The following ELMO1 variants were observed in gnomAD, a reference collection of about 807,000 sequenced individuals.
ELMO1 encodes the protein engulfment and cell motility 1.
ELMO1 carries 26 observed loss-of-function variants against 98.9 expected under a neutral mutation model. The ratio of observed to expected loss-of-function variants is 0.26; its 90% CI spans 0.19 to 0.36. The LOEUF (loss-of-function observed/expected upper bound fraction) is 0.36, where lower values mean the gene tolerates loss of function less well. ELMO1 is among the 10% of genes least tolerant of loss of function. The pLI, the probability that ELMO1 is intolerant of heterozygous loss-of-function variation, is 1.00. For synonymous variants in ELMO1, 346 were observed against 346.0 expected, an observed-to-expected ratio of 1.00 and a Z score of 0.00; for missense variants, 627 against 935.2, an observed-to-expected ratio of 0.67 and a Z score of 4.30.
chr7:37,419,740 G>A (rs550946815), intron 1 of ELMO1: 2 of 152,342 alleles, frequency 1.3e-5, no homozygotes, highest in South Asian at 4.1e-4. Context: ...GTGTGTGCCT[G>A]GTCTGTATTG....
intron 1 of ELMO1, among the ~76,000 whole-genome samples, chr7:37,431,279 G>A (rs1177731735): frequency 6.6e-6 from 1 of 152,168 alleles, no homozygotes; most frequent in African/African-American, 2.4e-5. Flanking sequence ...CAAGGCTGCA[G>A]TGAGTTATGA....
At chr7:36,932,349 C>T (rs188536583) in intron 16 of ELMO1, among the ~76,000 whole-genome samples, 541 of 152,292 alleles carry the variant, frequency 3.6e-3, no homozygotes, top group Non-Finnish European at 6.8e-3. Context: ...GTGCTGAATA[C>T]CCTTCTGTCA....
At chr7:37,200,180 C>A (rs1227324512) in intron 13 of ELMO1, among the ~76,000 whole-genome samples, 4 of 152,050 alleles carry the variant, frequency 2.6e-5, no homozygotes, top group Admixed American at 1.3e-4. Context: ...CTCAAGAGAT[C>A]CTCCTGCCTC....
intron 16 of ELMO1, among the ~76,000 whole-genome samples, chr7:36,965,197 A>G (rs762528500): frequency 1.3e-5 from 2 of 152,022 alleles, no homozygotes; most frequent in Non-Finnish European, 1.5e-5. Context: ...CCCATTCTTA[A>G]TGTATTCATG....
intron 8 of ELMO1, among the ~76,000 whole-genome samples, chr7:37,228,793 G>T (rs941665381): frequency 6.6e-6 from 1 of 151,944 alleles, no homozygotes; most frequent in African/African-American, 2.4e-5. Flanking sequence ...ACGAGGTCAG[G>T]AGATCGGCTA....
At chr7:37,244,802 A>C (rs1440959182) in intron 6 of ELMO1, among the ~76,000 whole-genome samples, 1 of 152,202 alleles carries the variant, frequency 6.6e-6, no homozygotes, top group Non-Finnish European at 1.5e-5. Context: ...CTTTGGTAGA[A>C]TGTCCACTAA....
At chr7:36,996,057 T>A (rs1021251218) in intron 16 of ELMO1, among the ~76,000 whole-genome samples, 1 of 152,176 alleles carries the variant, frequency 6.6e-6, no homozygotes, top group African/African-American at 2.4e-5. Context: ...CATTCCAGCA[T>A]GAAAAATCAA....
intron 16 of ELMO1, among the ~76,000 whole-genome samples, chr7:36,900,506 C>CT (rs1366391798): frequency 2.0e-5 from 3 of 152,172 alleles, no homozygotes; most frequent in Non-Finnish European, 4.4e-5. Context: ...TTATAAAGCA[C>CT]ACTTTCACAA....
chr7:37,087,435 G>A (rs1783848261), intron 15 of ELMO1, among the ~76,000 whole-genome samples: 2 of 151,722 alleles, frequency 1.3e-5, no homozygotes, highest in South Asian at 4.2e-4. Context: ...TCACTTTCTG[G>A]CAGATTTTTT....
At chr7:36,960,726 C>T (rs953617844) in intron 16 of ELMO1, among the ~76,000 whole-genome samples, 14 of 151,964 alleles carry the variant, frequency 9.2e-5, no homozygotes, top group African/African-American at 3.4e-4. Flanking sequence ...AAGAAATAAC[C>T]ATTCAACAAA....
chr7:36,987,757 T>G (rs1395238443), intron 16 of ELMO1, among the ~76,000 whole-genome samples: 2 of 152,210 alleles, frequency 1.3e-5, no homozygotes, highest in Non-Finnish European at 2.9e-5. Flanking sequence ...CAACTCCAAA[T>G]GCTCAGCTAT....
rs11977589 is a variant in ELMO1, at chr7:37,262,254, G to A, written c.244-2904C>T. Among the ~76,000 whole-genome samples, 1,231 of 152,240 alleles carry A rather than the reference G, an allele frequency of 8.1e-3. 18 individuals are homozygous for A. Among genetic ancestry groups the A allele is most frequent in the African/African-American group, 0.029 (1,186 of 41,518 alleles). On this transcript the variant is annotated intron_variant, in intron 5 of 21. Coordinates refer to ENST00000310758, the MANE Select transcript of ELMO1 (RefSeq NM_014800.11). ...CAAATGTCCCAAGCAGAGGAATCAA[G>A]ACTGTGGAGTCCTCCCAAATCCCAC... is the stretch of plus-strand genomic sequence containing the variant.
intron 10 of ELMO1, among the ~76,000 whole-genome samples, chr7:37,221,166 G>A (rs147897048): frequency 6.2e-4 from 94 of 152,150 alleles, no homozygotes; most frequent in African/African-American, 2.2e-3. Flanking sequence ...TGGCTCCAGC[G>A]AACACCAAAT....
chr7:36,944,466 C>T (rs1015109860), intron 16 of ELMO1, among the ~76,000 whole-genome samples: 2 of 152,226 alleles, frequency 1.3e-5, no homozygotes, highest in African/African-American at 4.8e-5. Context: ...TTTCACTCTA[C>T]TCCTGGGACC....
At chr7:36,902,953 C>T (rs1366214905) in intron 16 of ELMO1, among the ~76,000 whole-genome samples, 1 of 152,210 alleles carries the variant, frequency 6.6e-6, no homozygotes, top group African/African-American at 2.4e-5. Context: ...AACTGTGCCC[C>T]TTCCAGCTCC....
At chr7:37,088,006 G>A (rs559760482) in intron 15 of ELMO1, among the ~76,000 whole-genome samples, 11 of 152,228 alleles carry the variant, frequency 7.2e-5, no homozygotes, top group Non-Finnish European at 1.2e-4. Flanking sequence ...TCTATAAGGC[G>A]TTAAGAAGAC....
intron 4 of ELMO1, among the ~76,000 whole-genome samples, chr7:37,286,841 T>C (rs976303557): frequency 2.3e-4 from 35 of 152,176 alleles, no homozygotes; most frequent in Admixed American, 1.8e-3. Flanking sequence ...TGTTTTTAAA[T>C]GCATAAAATA....
chr7:37,147,183 C>T (rs1055445166), intron 13 of ELMO1, among the ~76,000 whole-genome samples: 1 of 152,160 alleles, frequency 6.6e-6, no homozygotes, highest in African/African-American at 2.4e-5. Flanking sequence ...AGCTCCTCAT[C>T]ATTAAAATTT....
intron 1 of ELMO1, among the ~76,000 whole-genome samples, chr7:37,384,104 T>C (rs911962390): frequency 6.6e-6 from 1 of 152,210 alleles, no homozygotes; most frequent in African/African-American, 2.4e-5. Flanking sequence ...CGTGAGCCAC[T>C]GTGCCCGGCC....
Sources: gnomAD v4.1 joint callset for allele counts (sites outside exome capture counted in the v4.1 genomes callset) on GRCh38, gnomAD v4.1.1 for gene constraint, MANE v1.5 for transcripts, NCBI Gene and HGNC (gene_info 2026-07-23, HGNC 2026-07-21) for gene names.